ZNF787: variants seen among roughly 807,000 people sequenced by gnomAD.
ZNF787 encodes the protein TTF-I-interacting peptide 20.
A neutral mutation model predicts 16.9 loss-of-function variants in ZNF787; 7 were observed. The observed-to-expected ratio is 0.42, with a 90% CI of 0.24 to 0.78. The LOEUF (loss-of-function observed/expected upper bound fraction) is 0.78, where lower values mean the gene tolerates loss of function less well. Ranked by LOEUF, ZNF787 falls within the 30% of genes least tolerant of loss-of-function variation. The pLI is 0.30. For synonymous variants in ZNF787, 345 were observed against 270.9 expected, an observed-to-expected ratio of 1.27 and a Z score of -2.69; for missense variants, 551 against 589.3, an observed-to-expected ratio of 0.94 and a Z score of 0.67.
At chr19:56,116,033 C>T (rs1251216046) in intron 1 of ZNF787, among the ~76,000 whole-genome samples, 3 of 152,080 alleles carry the variant, frequency 2.0e-5, no homozygotes, top group African/African-American at 4.8e-5. Context: ...ACGCGCTGCC[C>T]TGGAGTGGGA....
At chr19:56,098,815 G>A (rs1019718612) in intron 2 of ZNF787, among the ~76,000 whole-genome samples, 3 of 130,010 alleles carry the variant, frequency 2.3e-5, no homozygotes, top group East Asian at 3.2e-4. Flanking sequence ...GATGCTGCCC[G>A]GGTGATTACG....
At chr19:56,095,907 C>T (rs970728911) in intron 2 of ZNF787, among the ~76,000 whole-genome samples, 1 of 152,210 alleles carries the variant, frequency 6.6e-6, no homozygotes, top group Non-Finnish European at 1.5e-5. Context: ...CAGATGCTAA[C>T]ACCACACAGG....
At chr19:56,105,181 T>C (rs1409883950) in intron 1 of ZNF787, among the ~76,000 whole-genome samples, 1 of 152,000 alleles carries the variant, frequency 6.6e-6, no homozygotes, top group Non-Finnish European at 1.5e-5. Flanking sequence ...TGAAACAGGC[T>C]CTGAGGCAGC....
chr19:56,087,883 G>T lies in ZNF787; in HGVS notation c.*140C>A. ...AGTGCCCCCCCACGGACGGCGCAGG[G>T]ACAGAGGAGGGCGGGGAGCCGGGGA... On this transcript the variant is annotated 3_prime_UTR_variant, in exon 3 of 3. Transcript: ENST00000610935. 1.6e-5 allele frequency: 20 copies of T among 1,257,496 alleles called. No individual in the cohort carries two copies. Among genetic ancestry groups the T allele is most frequent in the Non-Finnish European group, 2.0e-5 (20 of 995,582 alleles). 77.9% of individuals were successfully genotyped at this position (1,257,496 alleles called of 1,614,324 possible).
At chr19:56,106,251 G>GCGGCGTGC (rs1157671011) in intron 1 of ZNF787, among the ~76,000 whole-genome samples, 4 of 152,220 alleles carry the variant, frequency 2.6e-5, no homozygotes, top group African/African-American at 9.6e-5. Context: ...GCATGGTGCT[G>GCGGCGTGC]CGGCGTGCCA....
intron 1 of ZNF787, chr19:56,105,435 G>A (rs1396235841): frequency 6.6e-6 from 1 of 152,226 alleles, no homozygotes; most frequent in Non-Finnish European, 1.5e-5. Context: ...GAGTGCAGCG[G>A]TGTTTACAAC....
intron 2 of ZNF787, among the ~76,000 whole-genome samples, chr19:56,098,098 C>A (rs1458966807): frequency 6.6e-6 from 1 of 152,038 alleles, no homozygotes; most frequent in Non-Finnish European, 1.5e-5. Context: ...GCCTGGGGCC[C>A]ATACAGCTCC....
chr19:56,101,932 G>GGGGCAGCCTGGGGCCGGGGTGT (rs1986114293), intron 2 of ZNF787: 1 of 152,230 alleles, frequency 6.6e-6, no homozygotes, highest in Admixed American at 6.5e-5. Flanking sequence ...ACTGAGACGC[G>GGGGCAGCCTGGGGCCGGGGTGT]GGGCAGCCTG....
intron 1 of ZNF787, among the ~76,000 whole-genome samples, chr19:56,116,683 C>T (rs1453692323): frequency 6.6e-6 from 1 of 152,138 alleles, no homozygotes; most frequent in African/African-American, 2.4e-5. Context: ...CTCTGCTGGG[C>T]CAACAGGGCA....
Position 56,088,071 on chromosome 19 carries a change from C to T in ZNF787, c.1101G>A (p.Glu367=), listed in dbSNP as rs1568520498. 14 of 1,470,312 alleles carry T rather than the reference C, an allele frequency of 9.5e-6. No individual in the cohort carries two copies. Among genetic ancestry groups the T allele is most frequent in the South Asian group, 1.3e-5 (1 of 77,238 alleles). 91.1% of individuals were successfully genotyped at this position (1,470,312 alleles called of 1,614,324 possible). ...AGGEEEDDDD[E]AAGGRCPECR... ...ACTCGGGGCACCGCCCGCCCGCGGCCTCGTCGTCGTCGTCCTCCTCCTCCC... is the reference window on the plus strand; with the variant it reads ...ACTCGGGGCACCGCCCGCCCGCGGCTTCGTCGTCGTCGTCCTCCTCCTCCC... Residue 367 remains glutamate (E), a synonymous_variant, in exon 3 of 3, where the codon GAG becomes GAA. Coordinates refer to ENST00000610935, the MANE Select transcript of ZNF787 (RefSeq NM_001002836.4). The surrounding 1 kb of genome is among the most constrained non-coding windows in gnomAD (Gnocchi z 8.6).
At chr19:56,089,607 G>A (rs776914766) in intron 2 of ZNF787, among the ~76,000 whole-genome samples, 1 of 152,070 alleles carries the variant, frequency 6.6e-6, no homozygotes, top group Non-Finnish European at 1.5e-5. Context: ...TGTCACATTC[G>A]GGCTCCAGGA....
chr19:56,101,265 C>G (rs1199147052), intron 2 of ZNF787, among the ~76,000 whole-genome samples: 1 of 152,286 alleles, frequency 6.6e-6, no homozygotes, highest in African/African-American at 2.4e-5. Flanking sequence ...TACGCGAACG[C>G]CGGACACCAG....
chr19:56,118,225 G>GAGTGAGA (rs1193905640), intron 1 of ZNF787, among the ~76,000 whole-genome samples: 2 of 152,334 alleles, frequency 1.3e-5, no homozygotes, highest in East Asian at 3.9e-4. Context: ...GGTGAGTGAG[G>GAGTGAGA]CCTCCTTGGG....
At chr19:56,091,788 G>A (rs560062737) in intron 2 of ZNF787, among the ~76,000 whole-genome samples, 3 of 152,126 alleles carry the variant, frequency 2.0e-5, no homozygotes, top group African/African-American at 7.2e-5. Flanking sequence ...AAACCTTCCC[G>A]TGCTGCATCT....
Position 56,088,535 on chromosome 19 carries a change from G to A in ZNF787, c.637C>T (p.Leu213=). The A allele has an allele frequency of 6.9e-7, 1 of 1,451,982 alleles. No individual in the cohort carries two copies. The highest frequency in any genetic ancestry group is 9.0e-7 in the Non-Finnish European group (1 of 1,111,456). 89.9% of individuals were successfully genotyped at this position (1,451,982 alleles called of 1,614,324 possible). A position where few individuals can be genotyped will look rare whatever the true frequency, so the allele number is the denominator to read the frequency against. Residue 213 remains leucine, a synonymous_variant, in exon 3 of 3, where the codon CTG becomes TTG. Transcript: ENST00000610935. The surrounding 1 kb of genome is among the most constrained non-coding windows in gnomAD (Gnocchi z 8.6). ...TTGGCCCGCCGGACGCTAGCCGCCA[G>A]CACCTTGGCCGCCACGCCAGGCCCC... ...LSGPGVAAKV[L]AASVRRAKGP... is the part of the protein sequence containing the mutation.
intron 2 of ZNF787, among the ~76,000 whole-genome samples, chr19:56,091,951 G>C (rs62122409): frequency 1.0e-4 from 3 of 28,874 alleles, no homozygotes; most frequent in East Asian, 2.4e-3. Flanking sequence ...CAAAGCCAAA[G>C]CCGAAACCGA....
At position 56,087,728 on chromosome 19, in the gene ZNF787, G is replaced by C; in HGVS notation, c.*295C>G. 3.5e-6 allele frequency: 1 copy of C among 282,324 alleles called. No homozygotes were observed. The highest frequency in any genetic ancestry group is 6.3e-6 in the Non-Finnish European group (1 of 159,310). 17.5% of individuals were successfully genotyped at this position (282,324 alleles called of 1,614,324 possible). A position where few individuals can be genotyped will look rare whatever the true frequency, so the allele number is the denominator to read the frequency against. ...GAAAATGGCCTTCCGCTTGGGGCCT[G>C]GTCGCCACTCGGCCTCTGCAGTTCT... On this transcript the variant is annotated 3_prime_UTR_variant, in exon 3 of 3. Coordinates refer to ENST00000610935, the MANE Select transcript of ZNF787 (RefSeq NM_001002836.4).
rs969856522 is a variant in ZNF787 at position 56,111,031 on chromosome 19, T to C, written c.-10-7804A>G. On this transcript the variant is annotated intron_variant, in intron 1 of 2. Coordinates refer to ENST00000610935, the MANE Select transcript of ZNF787 (RefSeq NM_001002836.4). ...AACTGCCCCCCAGATACTAATACCT[T>C]TTACATGTTTTCAATAGACAGCCAT... 5.9e-5 allele frequency among the ~76,000 whole-genome samples: 9 copies of C among 152,322 alleles called. No homozygotes were observed. The East Asian group carries it at 1.7e-3, about 29-fold the overall frequency.
intron 2 of ZNF787, among the ~76,000 whole-genome samples, chr19:56,089,934 G>C (rs552324712): frequency 2.0e-5 from 3 of 152,160 alleles, no homozygotes; most frequent in South Asian, 4.1e-4. Context: ...AGAAGGGTCC[G>C]TGTGCAGCTT....
Sources: allele counts gnomAD v4.1 joint callset (sites outside exome capture counted in the v4.1 genomes callset), GRCh38; gene constraint gnomAD v4.1.1; non-coding constraint Gnocchi (gnomAD v3.1); transcripts MANE v1.5; gene names NCBI Gene and HGNC (gene_info 2026-07-23, HGNC 2026-07-21).